The following TMEM63C variants were observed in gnomAD, a reference collection of about 807,000 sequenced individuals.
The protein encoded by TMEM63C is transmembrane protein 63C, also known as osmosensitive cation channel TMEM63C.
In TMEM63C, 32 loss-of-function variants were observed where a neutral mutation model predicts 99.2. That is an observed-to-expected ratio of 0.32 (90% confidence interval 0.24 to 0.43). The LOEUF (loss-of-function observed/expected upper bound fraction) is 0.43. Among genes scored for constraint, TMEM63C ranks in the 20% least tolerant of loss-of-function variants. The pLI is 1.00. For missense variants in TMEM63C, 826 were observed against 1,053.0 expected, an observed-to-expected ratio of 0.78 and a Z score of 2.98; for synonymous variants, 376 against 397.9, an observed-to-expected ratio of 0.94 and a Z score of 0.66.
At position 77,242,439 on chromosome 14, in the gene TMEM63C, C is replaced by T; in HGVS notation, c.1157C>T (p.Thr386Ile). Reference sequence around the variant, plus strand: ...GTCAAATCATATTACTGGAGGGTCACTATGGCCCCACACCCCAAAGACATT... The same window carrying T: ...GTCAAATCATATTACTGGAGGGTCATTATGGCCCCACACCCCAAAGACATT... ...TIVKSYYWRV[T>I]MAPHPKDIIW... The change falls in exon 14 of 24, where the codon ACT becomes ATT. Residue 386 changes from threonine to isoleucine, a missense_variant. Physicochemically the swap from Thr to Ile is moderately conservative, Grantham distance 89. Transcript: ENST00000298351. 6.2e-7 allele frequency: 1 copy of T among 1,613,974 alleles called. No individual in the cohort carries two copies. The highest frequency in any genetic ancestry group is 8.5e-7 in the Non-Finnish European group (1 of 1,179,884).
intron 1 of TMEM63C, among the ~76,000 whole-genome samples, chr14:77,194,334 ATATGTGTGTGTGTG>A (rs143129630): frequency 0.18 from 13,283 of 71,990 alleles, 951 homozygotes; most frequent in Middle Eastern, 0.27. Flanking sequence ...AGATATATAT[ATATGTGTGTGTGTG>A]TGTGTGTGTG....
intron 2 of TMEM63C, among the ~76,000 whole-genome samples, chr14:77,216,627 T>C (rs529275520): frequency 1.3e-5 from 2 of 152,242 alleles, no homozygotes; most frequent in South Asian, 4.2e-4. Flanking sequence ...AACTCTATCT[T>C]CCAGTGGCTC....
At chr14:77,203,580 T>C in intron 1 of TMEM63C, among the ~76,000 whole-genome samples, 1 of 152,234 alleles carries the variant, frequency 6.6e-6, no homozygotes. Flanking sequence ...GCACCCATTG[T>C]TCTTTATTCT....
At position 77,258,209 on chromosome 14, in the gene TMEM63C, C is replaced by G. The variant is rs1889508512; in HGVS notation, c.*1483C>G. The G allele has an allele frequency of 6.6e-6, 1 of 152,584 alleles. No individual in the cohort carries two copies. The highest frequency in any genetic ancestry group is 1.5e-5 in the Non-Finnish European group (1 of 68,352). The allele number at this position is 152,584 out of a possible 1,614,324, so 9.5% of individuals were successfully genotyped here. A position where few individuals can be genotyped will look rare whatever the true frequency, so the allele number is the denominator to read the frequency against. On this transcript the variant is annotated 3_prime_UTR_variant, in exon 24 of 24. Coordinates refer to ENST00000298351, the MANE Select transcript of TMEM63C (RefSeq NM_020431.4). ...GCTCCAGGGCCCTCTTCAGCCCCCT[C>G]CCCCAAAGGTCTGGGTCCCTGCCAC...
intron 1 of TMEM63C, among the ~76,000 whole-genome samples, chr14:77,209,753 A>C (rs1888463496): frequency 6.6e-6 from 1 of 152,156 alleles, no homozygotes; most frequent in Non-Finnish European, 1.5e-5. Context: ...GAAGTGGCTC[A>C]AGCTGTGTAG....
chr14:77,185,903 C>T (rs1296198540), intron 1 of TMEM63C, among the ~76,000 whole-genome samples: 1 of 152,088 alleles, frequency 6.6e-6, no homozygotes, highest in Non-Finnish European at 1.5e-5. Flanking sequence ...GAAAGGTGCC[C>T]AGCTTGGGGC....
In TMEM63C at chr14:77,219,998, G is replaced by A. The variant is rs1247501284; in HGVS notation, c.231-8G>A. ...TTCTTACCTCCCTGCCCCTTCCCTGGCTGGCAGCCTGACCTCGCTGATCTA... is the reference window on the plus strand; with the variant it reads ...TTCTTACCTCCCTGCCCCTTCCCTGACTGGCAGCCTGACCTCGCTGATCTA... On this transcript the variant is annotated splice_region_variant and splice_polypyrimidine_tract_variant and intron_variant, in intron 4 of 23. Coordinates refer to ENST00000298351, the MANE Select transcript of TMEM63C (RefSeq NM_020431.4). The A allele has an allele frequency of 5.8e-6, 9 of 1,555,766 alleles. No individual in the cohort carries two copies. The South Asian group carries it at 5.9e-5, about 10-fold the overall frequency.
chr14:77,215,835 T>C (rs1396013248), intron 2 of TMEM63C, among the ~76,000 whole-genome samples: 1 of 152,122 alleles, frequency 6.6e-6, no homozygotes, highest in Non-Finnish European at 1.5e-5. Flanking sequence ...CTCCTCCTAC[T>C]TCTTCTACTG....
At chr14:77,235,347 G>A (rs1416762247) in intron 8 of TMEM63C, among the ~76,000 whole-genome samples, 2 of 143,968 alleles carry the variant, frequency 1.4e-5, no homozygotes, top group Non-Finnish European at 3.0e-5. Flanking sequence ...TATTTGGGGA[G>A]ACTGTGATAG....
Position 77,242,173 on chromosome 14 carries a change from T to C in TMEM63C, c.1065-174T>C, listed in dbSNP as rs368415163. Reference sequence around the variant, plus strand: ...CCTCCAGATACTGGGCCTTAGGAACTGTCCACCTCTAAGGTCCTGAAGACA... The same window carrying C: ...CCTCCAGATACTGGGCCTTAGGAACCGTCCACCTCTAAGGTCCTGAAGACA... On this transcript the variant is annotated intron_variant, in intron 13 of 23. Coordinates refer to ENST00000298351, the MANE Select transcript of TMEM63C (RefSeq NM_020431.4). Among the ~76,000 whole-genome samples the C allele has an allele frequency of 8.5e-5, 13 of 152,302 alleles. No homozygotes were observed. In the South Asian group the frequency reaches 1.2e-3, roughly 15 times the overall value.
intron 22 of TMEM63C, 129 bp from the exon 23 acceptor site, chr14:77,253,176 T>C: frequency 1.2e-6 from 1 of 820,748 alleles, no homozygotes; most frequent in Non-Finnish European, 2.0e-6. Context: ...GCTGAAGGTC[T>C]GGAAAGACAG....
intron 4 of TMEM63C, 104 bp downstream of exon 4, chr14:77,219,681 C>A (rs1594857591): frequency 8.0e-7 from 1 of 1,255,894 alleles, no homozygotes; most frequent in South Asian, 1.2e-5. Context: ...GCAGGTGTCT[C>A]GCCAGCAAGT....
At chr14:77,189,043 A>G (rs749442586) in intron 1 of TMEM63C, among the ~76,000 whole-genome samples, 21 of 152,172 alleles carry the variant, frequency 1.4e-4, no homozygotes, top group Non-Finnish European at 2.6e-4. Context: ...ATAAATTTCA[A>G]AAACAATGTT....
chr14:77,195,771 C>T (rs1888203966), intron 1 of TMEM63C, among the ~76,000 whole-genome samples: 1 of 152,248 alleles, frequency 6.6e-6, no homozygotes, highest in African/African-American at 2.4e-5. Context: ...CCATGGCCCG[C>T]TCCCCACAGC....
intron 18 of TMEM63C, 47 bp downstream of exon 18, chr14:77,246,721 G>C: frequency 1.3e-6 from 2 of 1,523,722 alleles, no homozygotes; most frequent in Non-Finnish European, 1.8e-6. Context: ...GTGCACACAG[G>C]AGTGGTTATA....
At chr14:77,231,467 T>TAAAAAA in intron 6 of TMEM63C, 121 bp from the exon 7 acceptor site, 1 of 963,176 alleles carries the variant, frequency 1.0e-6, no homozygotes, top group Non-Finnish European at 1.5e-6. Flanking sequence ...ATAGAGATAG[T>TAAAAAA]AAAAAAAAAA....
chr14:77,243,624 T>C (rs747317648), intron 15 of TMEM63C, among the ~76,000 whole-genome samples: 21 of 152,140 alleles, frequency 1.4e-4, no homozygotes, highest in Admixed American at 3.3e-4. Context: ...AGTTAGGGGA[T>C]GCCTCCTGCT....
At chr14:77,240,114 G>A (rs1288239708) in intron 12 of TMEM63C, among the ~76,000 whole-genome samples, 2 of 152,194 alleles carry the variant, frequency 1.3e-5, no homozygotes, top group African/African-American at 2.4e-5. Context: ...AGAGGGCGTC[G>A]AGACTCAGAC....
In TMEM63C at chr14:77,246,618, C is replaced by G; in HGVS notation, c.1545C>G (p.Val515=). The change falls in exon 18 of 24, where the codon GTC becomes GTG. Residue 515 remains valine, a synonymous_variant. Transcript: ENST00000298351. ...LPSMGLTSLD[V]FLRWLFDIYY... Reference sequence around the variant, plus strand: ...TTGTTTTTGCTTCTAGTTTGGATGTCTTTCTCCGCTGGCTCTTTGACATCT... The same window carrying G: ...TTGTTTTTGCTTCTAGTTTGGATGTGTTTCTCCGCTGGCTCTTTGACATCT... The G allele has an allele frequency of 6.2e-7, 1 of 1,613,028 alleles. No homozygotes were observed. The highest frequency in any genetic ancestry group is 8.5e-7 in the Non-Finnish European group (1 of 1,179,504).
Sources: allele counts gnomAD v4.1 joint callset (sites outside exome capture counted in the v4.1 genomes callset), GRCh38; gene constraint gnomAD v4.1.1; transcripts MANE v1.5; gene names NCBI Gene and HGNC (gene_info 2026-07-23, HGNC 2026-07-21).